The following CUBN variants were observed in gnomAD, a reference collection of about 807,000 sequenced individuals.
CUBN encodes 460 kDa receptor.
A neutral mutation model predicts 405.3 loss-of-function variants in CUBN; 282 were observed. That is an observed-to-expected ratio of 0.70 (90% confidence interval 0.63 to 0.77). The LOEUF (loss-of-function observed/expected upper bound fraction) is 0.77. Among genes scored for constraint, CUBN ranks in the 30% least tolerant of loss-of-function variants. The pLI is 0.00. For synonymous variants in CUBN, 1,684 were observed against 1,617.0 expected (o/e 1.04, Z -0.99); for missense variants, 4,514 against 4,475.2 (o/e 1.01, Z -0.25).
chr10:17,052,850 A>G (rs1271659184), intron 22 of CUBN, among the ~76,000 whole-genome samples: 3 of 151,706 alleles, frequency 2.0e-5, no homozygotes, highest in African/African-American at 4.8e-5. Flanking sequence ...AATTTATAAC[A>G]CAGAGAGAAG....
intron 65 of CUBN, 29 bp downstream of exon 65, chr10:16,831,223 C>T (rs894261287): frequency 6.2e-7 from 1 of 1,609,898 alleles, no homozygotes; most frequent in African/African-American, 1.3e-5. Flanking sequence ...TCTCACAGTG[C>T]TTTCCTGTAC....
In CUBN at chr10:17,093,082, A is replaced by G. The variant is rs550150035; in HGVS notation, c.1766-4737T>C. Among the ~76,000 whole-genome samples the G allele has an allele frequency of 1.2e-3, 177 of 152,340 alleles. 2 individuals carry two copies. The highest frequency in any genetic ancestry group is 2.9e-4 in the Non-Finnish European group (20 of 68,028). On this transcript the variant is annotated intron_variant, in intron 14 of 66. Transcript: ENST00000377833. ...CAAGAATTCAAAGAAGTGAAGCCCA[A>G]GGAGACAGCAATACCCTTGCTATGG...
intron 5 of CUBN, 137 bp downstream of exon 5, chr10:17,123,451 C>T: frequency 1.3e-6 from 1 of 746,730 alleles, no homozygotes; most frequent in Non-Finnish European, 2.4e-6. Context: ...TTTAGCATAC[C>T]TGGTATATTT....
chr10:17,026,489 C>T (rs915077125), intron 27 of CUBN, among the ~76,000 whole-genome samples: 5 of 151,804 alleles, frequency 3.3e-5, no homozygotes, highest in African/African-American at 7.3e-5. Context: ...AAAAATTAGC[C>T]GGGTGTGGTG....
At position 16,836,178 on chromosome 10, in the gene CUBN, C is replaced by T. The variant is rs142696042; in HGVS notation, c.10180+57G>A. On this transcript the variant is annotated intron_variant, in intron 63 of 66. Transcript: ENST00000377833. Reference sequence around the variant, plus strand: ...TCTAGAAATAATTGTAATTATTCTACGAATAATGGTAATGATGGCAGCTTT... The same window carrying T: ...TCTAGAAATAATTGTAATTATTCTATGAATAATGGTAATGATGGCAGCTTT... The T allele has an allele frequency of 3.3e-4, 469 of 1,436,590 alleles. No individual in the cohort carries two copies. The African/African-American group carries it at 3.5e-3, about 11-fold the overall frequency. 89.0% of individuals were successfully genotyped at this position (1,436,590 alleles called of 1,614,324 possible). A position where few individuals can be genotyped will look rare whatever the true frequency, so the allele number is the denominator to read the frequency against.
chr10:17,127,027 A>T (rs982555911), intron 3 of CUBN, among the ~76,000 whole-genome samples: 8 of 151,872 alleles, frequency 5.3e-5, no homozygotes, highest in African/African-American at 1.9e-4. Flanking sequence ...TTTTTAAAGT[A>T]CAACCCACTG....
intron 59 of CUBN, among the ~76,000 whole-genome samples, chr10:16,862,154 T>TCACA (rs1840033650): frequency 4.2e-5 from 4 of 96,342 alleles, no homozygotes; most frequent in African/African-American, 3.0e-4. Context: ...TCTCTCTCTC[T>TCACA]CTCTCTCACA....
intron 40 of CUBN, among the ~76,000 whole-genome samples, chr10:16,928,880 A>C (rs1481180273): frequency 6.6e-6 from 1 of 151,878 alleles, no homozygotes; most frequent in Non-Finnish European, 1.5e-5. Context: ...TCTCCCTGTC[A>C]CTAAAACTCA....
chr10:16,831,390 G>C lies in CUBN; in HGVS notation c.10390C>G (p.Pro3464Ala). ...GTTCCACAGTACTTGCCCAGTAATG[G>C]TGAATTGCTGTTACTTCCATTTCTC... ...EVRNGSNSNS[P>A]LLGKYCGTLL... The change falls in exon 65 of 67, where the codon CCA (proline) becomes GCA (alanine). Residue 3464 changes from proline to alanine, a missense_variant. By Grantham distance (27) the Pro-to-Ala change is conservative (BLOSUM62 -1). This residue lies in a region of CUBN where 1,186 missense variants were observed against 1,186.9 expected (regional missense o/e 1.00). Transcript: ENST00000377833. The C allele has an allele frequency of 6.2e-7, 1 of 1,614,006 alleles. No individual in the cohort carries two copies.
chr10:17,080,760 T>C (rs1564507346), intron 17 of CUBN, among the ~76,000 whole-genome samples: 1 of 152,238 alleles, frequency 6.6e-6, no homozygotes. Context: ...TTACTACCTA[T>C]GTGTCCTTCA....
rs530378689 is a variant in CUBN at position 16,854,983 on chromosome 10, C to CTTCCT, written c.9455-3545_9455-3541dup. 4.6e-5 allele frequency among the ~76,000 whole-genome samples: 6 copies of CTTCCT among 130,548 alleles called. No homozygotes were observed. In the South Asian group the frequency reaches 1.4e-3, roughly 31 times the overall value. 85.6% of individuals were successfully genotyped at this position (130,548 alleles called of 152,430 possible). On this transcript the variant is annotated intron_variant, in intron 59 of 66. Coordinates refer to ENST00000377833, the MANE Select transcript of CUBN (RefSeq NM_001081.4). ...CTTCCTCCCTCACTCCTTCTTTTTTCTTCCTTTCCTTTCCTTTTTTCTCTC... is the reference window on the plus strand; with the variant it reads ...CTTCCTCCCTCACTCCTTCTTTTTTCTTCCTTTCCTTTCCTTTCCTTTTTTCTCTC...
intron 9 of CUBN, 64 bp downstream of exon 9, chr10:17,110,855 C>T (rs1346092111): frequency 7.5e-6 from 12 of 1,608,454 alleles, no homozygotes; most frequent in Non-Finnish European, 1.0e-5. Context: ...CACTAGATTC[C>T]GTATTCCTAT....
chr10:16,919,925 C>A (rs778110685), intron 44 of CUBN, 38 bp downstream of exon 44: 1 of 1,603,542 alleles, frequency 6.2e-7, no homozygotes, highest in South Asian at 1.1e-5. Flanking sequence ...AAAATACTAA[C>A]TTGGGGTAGG....
chr10:17,115,392 G>A, intron 7 of CUBN, 79 bp downstream of exon 7: 1 of 1,573,666 alleles, frequency 6.4e-7, no homozygotes, highest in Non-Finnish European at 8.7e-7. Context: ...GGTAGTGCTT[G>A]TATGCAGTGG....
intron 22 of CUBN, among the ~76,000 whole-genome samples, chr10:17,061,847 G>A (rs550195887): frequency 1.8e-4 from 27 of 152,088 alleles, no homozygotes; most frequent in African/African-American, 3.6e-4. Flanking sequence ...CATTTAGAGC[G>A]TTTCTAAGAG....
At position 17,072,728 on chromosome 10, in the gene CUBN, C is replaced by A. The variant is rs139193304; in HGVS notation, c.2302-757G>T. 3.7e-3 allele frequency among the ~76,000 whole-genome samples: 565 copies of A among 151,876 alleles called. 1 individual carries two copies. The highest frequency in any genetic ancestry group is 6.2e-3 in the Non-Finnish European group (422 of 67,938). On this transcript the variant is annotated intron_variant, in intron 17 of 66. Coordinates refer to ENST00000377833, the MANE Select transcript of CUBN (RefSeq NM_001081.4). The stretch of plus-strand genomic sequence containing the variant: ...TATAAAAGACAAATCTCTGGCAAGT[C>A]TAAAAAGAAAATAAATATATAAGCA...
intron 56 of CUBN, among the ~76,000 whole-genome samples, chr10:16,883,625 T>C (rs994904111): frequency 6.6e-6 from 1 of 152,236 alleles, no homozygotes; most frequent in African/African-American, 2.4e-5. Flanking sequence ...AACTAATTTT[T>C]TTTTACTTTT....
chr10:17,101,528 C>T (rs1301918439), intron 13 of CUBN, among the ~76,000 whole-genome samples: 1 of 152,128 alleles, frequency 6.6e-6, no homozygotes, highest in African/African-American at 2.4e-5. Flanking sequence ...GACCCTTGTA[C>T]AATGCCCTCT....
chr10:17,018,340 C>T (rs184129856), intron 28 of CUBN, among the ~76,000 whole-genome samples: 6 of 152,260 alleles, frequency 3.9e-5, no homozygotes, highest in South Asian at 2.1e-4. Context: ...TTCTTGGTCT[C>T]GCTGACTTCA....
Sources: gnomAD v4.1 joint callset for allele counts (sites outside exome capture counted in the v4.1 genomes callset) on GRCh38, gnomAD v4.1.1 for gene constraint, gnomAD v4.1.1 regional missense constraint, MANE v1.5 for transcripts, NCBI Gene and HGNC (gene_info 2026-07-23, HGNC 2026-07-21) for gene names.